CSTF3: variants seen among roughly 807,000 people sequenced by gnomAD.
The protein encoded by CSTF3 is cleavage stimulation factor subunit 3.
In CSTF3, 29 loss-of-function variants were observed where a neutral mutation model predicts 105.8. The observed-to-expected ratio is 0.27, with a 90% confidence interval of 0.20 to 0.37. CSTF3 has a LOEUF of 0.37. Ranked by LOEUF, CSTF3 falls within the 10% of genes least tolerant of loss-of-function variation. The probability of loss-of-function intolerance (pLI) is 1.00; values close to 1 mark genes in which losing one functional copy is unlikely to be tolerated. For missense variants in CSTF3, 357 were observed against 879.3 expected, an observed-to-expected ratio of 0.41 and a Z score of 7.51; for synonymous variants, 252 against 281.9, an observed-to-expected ratio of 0.89 and a Z score of 1.06.
chr11:33,160,247 A>T (rs1360807757), intron 1 of CSTF3, among the ~76,000 whole-genome samples: 2 of 152,204 alleles, frequency 1.3e-5, no homozygotes, highest in Admixed American at 6.5e-5. Flanking sequence ...AAAACAATTT[A>T]ATCAAACTGC....
intron 1 of CSTF3, among the ~76,000 whole-genome samples, chr11:33,145,954 T>C (rs2133802472): frequency 6.6e-6 from 1 of 152,182 alleles, no homozygotes; most frequent in South Asian, 2.1e-4. Context: ...CTGATCAATG[T>C]GGCCAGGGGC....
intron 3 of CSTF3, among the ~76,000 whole-genome samples, chr11:33,121,148 A>G (rs1855483195): frequency 6.6e-6 from 1 of 152,122 alleles, no homozygotes; most frequent in Non-Finnish European, 1.5e-5. Flanking sequence ...ATGGGAAATT[A>G]GGAACTTTGG....
chr11:33,130,629 G>C (rs1223095159), intron 3 of CSTF3, among the ~76,000 whole-genome samples: 1 of 151,992 alleles, frequency 6.6e-6, no homozygotes, highest in Non-Finnish European at 1.5e-5. Flanking sequence ...CCTTAGTTTT[G>C]GCCTTGATTT....
chr11:33,103,596 C>T (rs1855299839), intron 8 of CSTF3, among the ~76,000 whole-genome samples: 1 of 152,008 alleles, frequency 6.6e-6, no homozygotes, highest in African/African-American at 2.4e-5. Context: ...GGTGAAACCC[C>T]GTTTCTACTA....
Position 33,099,009 on chromosome 11 carries a change from G to A in CSTF3, c.1053+25C>T. 1 of 1,552,946 alleles carries A rather than the reference G, an allele frequency of 6.4e-7. No homozygotes were observed. Among genetic ancestry groups the A allele is most frequent in the Non-Finnish European group, 8.6e-7 (1 of 1,161,690 alleles). ...CCTGCACTAAAAAATTGAATTATAAGAAGGCTCTAAACATTTTTACTTACC... is the reference window on the plus strand; with the variant it reads ...CCTGCACTAAAAAATTGAATTATAAAAAGGCTCTAAACATTTTTACTTACC... On this transcript the variant is annotated intron_variant, in intron 12 of 20. Coordinates refer to ENST00000323959, the MANE Select transcript of CSTF3 (RefSeq NM_001326.3). The surrounding 1 kb of genome is among the most constrained non-coding windows in gnomAD (Gnocchi z 4.1).
At chr11:33,147,242 A>T (rs1855795426) in intron 1 of CSTF3, among the ~76,000 whole-genome samples, 1 of 151,978 alleles carries the variant, frequency 6.6e-6, no homozygotes, top group African/African-American at 2.4e-5. Flanking sequence ...GGTTGCAGTG[A>T]GCTAAGGCTG....
At chr11:33,086,815 G>A (rs1279948019) in intron 18 of CSTF3, among the ~76,000 whole-genome samples, 173 bp downstream of exon 18, 1 of 152,088 alleles carries the variant, frequency 6.6e-6, no homozygotes, top group Non-Finnish European at 1.5e-5. Context: ...TTTGTTTTTA[G>A]GACATTCTTA....
intron 8 of CSTF3, among the ~76,000 whole-genome samples, chr11:33,103,895 G>A (rs1006376800): frequency 1.3e-5 from 2 of 152,088 alleles, no homozygotes; most frequent in African/African-American, 4.8e-5. Context: ...GTGCAGTGGT[G>A]CCATCCTAAC....
chr11:33,098,877 G>A (rs1855251590), intron 12 of CSTF3, 113 bp from the exon 13 acceptor site: 2 of 1,291,268 alleles, frequency 1.5e-6, no homozygotes, highest in African/African-American at 1.5e-5. Context: ...TCTCCATTGA[G>A]CATAAATATA....
At chr11:33,156,609 T>C (rs1849869292) in intron 1 of CSTF3, 1 of 437,108 alleles carries the variant, frequency 2.3e-6, no homozygotes, top group Admixed American at 2.6e-5. Flanking sequence ...ATCATGTAGC[T>C]TTTCCAAGCT....
chr11:33,102,283 C>T lies in CSTF3; in HGVS notation c.720G>A (p.Gln240=). 1 of 1,613,986 alleles carries T rather than the reference C, an allele frequency of 6.2e-7. No homozygotes were observed. The highest frequency in any genetic ancestry group is 1.6e-4 in the Middle Eastern group (1 of 6,062). The change falls in exon 10 of 21, where the codon CAG becomes CAA. Residue 240 remains glutamine, a synonymous_variant. Coordinates refer to ENST00000323959, the MANE Select transcript of CSTF3 (RefSeq NM_001326.3). ...CTTGTTGAGCTTCTTGAGGAGTATT[C>T]TGAGGAGGCACCGAGGGAGCATTAC... ...LDRNAPSVPP[Q]NTPQEAQQVD...
chr11:33,122,914 C>CA (rs10600978), intron 3 of CSTF3, among the ~76,000 whole-genome samples: 2,334 of 83,644 alleles, frequency 0.028, 100 homozygotes, highest in African/African-American at 0.098. Context: ...TATCCTGTCT[C>CA]AAAAAAAAAA....
chr11:33,122,865 G>A (rs1319626323), intron 3 of CSTF3, among the ~76,000 whole-genome samples: 5 of 141,884 alleles, frequency 3.5e-5, no homozygotes, highest in African/African-American at 7.9e-5. Context: ...GCACTAAGCC[G>A]TGATCACACA....
chr11:33,121,668 T>A (rs1234989446), intron 3 of CSTF3, among the ~76,000 whole-genome samples: 2 of 152,088 alleles, frequency 1.3e-5, no homozygotes, highest in Non-Finnish European at 1.5e-5. Context: ...CAGACCCTTA[T>A]GGTGCTGTCA....
rs568695081 is a variant in CSTF3, at chr11:33,150,771, GC to G, written c.28-8786del. Among the ~76,000 whole-genome samples, 382 of 151,856 alleles carry G rather than the reference GC, an allele frequency of 2.5e-3. 2 individuals carry two copies. Among genetic ancestry groups the G allele is most frequent in the African/African-American group, 9.0e-3 (371 of 41,398 alleles). ...CTTGGGAGGATGAGGTGGGAGGATG[GC>G]TTGAGCCCAGGAGGTGTTGGTTGCA... On this transcript the variant is annotated intron_variant, in intron 1 of 20. Transcript: ENST00000323959.
chr11:33,129,861 T>A (rs926771943), intron 3 of CSTF3, among the ~76,000 whole-genome samples: 2 of 152,164 alleles, frequency 1.3e-5, no homozygotes, highest in African/African-American at 4.8e-5. Context: ...TATAGGTAAA[T>A]AATACAAATT....
intron 1 of CSTF3, among the ~76,000 whole-genome samples, chr11:33,158,541 G>A (rs1253056697): frequency 2.6e-5 from 4 of 152,080 alleles, no homozygotes. Context: ...TGATAACTAG[G>A]TATAAGGTGA....
chr11:33,133,795 G>A (rs1385608388), intron 3 of CSTF3, among the ~76,000 whole-genome samples: 1 of 152,160 alleles, frequency 6.6e-6, no homozygotes, highest in Non-Finnish European at 1.5e-5. Context: ...GGGTGACAGA[G>A]CAAGACTCAA....
At chr11:33,122,471 ATG>A (rs1855499594) in intron 3 of CSTF3, among the ~76,000 whole-genome samples, 1 of 152,190 alleles carries the variant, frequency 6.6e-6, no homozygotes, top group Non-Finnish European at 1.5e-5. Flanking sequence ...ATATAACAGT[ATG>A]TGAGTCTCCT....
Sources: allele counts gnomAD v4.1 joint callset (sites outside exome capture counted in the v4.1 genomes callset), GRCh38; gene constraint gnomAD v4.1.1; non-coding constraint Gnocchi (gnomAD v3.1); transcripts MANE v1.5; gene names NCBI Gene and HGNC (gene_info 2026-07-23, HGNC 2026-07-21).